PREX2: variants seen among roughly 807,000 people sequenced by gnomAD.
The protein encoded by PREX2 is phosphatidylinositol-3,4,5-trisphosphate dependent Rac exchange factor 2.
PREX2 carries 107 observed loss-of-function variants against 203.2 expected under a neutral mutation model. The ratio of observed to expected loss-of-function variants is 0.53; its 90% CI spans 0.45 to 0.62. PREX2 has a LOEUF of 0.62. Ranked by LOEUF, PREX2 falls within the 20% of genes least tolerant of loss-of-function variation. The pLI is 0.00. For synonymous variants in PREX2, 672 were observed against 663.6 expected (o/e 1.01, Z -0.19); for missense variants, 1,777 against 1,955.9 (o/e 0.91, Z 1.72).
At chr8:68,217,552 C>A in intron 37 of PREX2, 64 bp from the exon 38 acceptor site, 1 of 1,145,512 alleles carries the variant, frequency 8.7e-7, no homozygotes, top group Non-Finnish European at 1.3e-6. Context: ...ATTAGTAATC[C>A]ACATCATCTC....
At chr8:68,071,802 G>T (rs1054373061) in intron 13 of PREX2, among the ~76,000 whole-genome samples, 14 of 152,086 alleles carry the variant, frequency 9.2e-5, no homozygotes, top group Non-Finnish European at 1.6e-4. Flanking sequence ...TCTACTTCAG[G>T]ACAGACCTGC....
intron 1 of PREX2, among the ~76,000 whole-genome samples, chr8:67,979,738 C>T (rs1474722623): frequency 6.6e-6 from 1 of 152,198 alleles, no homozygotes; most frequent in Non-Finnish European, 1.5e-5. Context: ...CACTTTCTAT[C>T]TTGATTTATC....
At chr8:67,954,925 C>T (rs1585649991) in intron 1 of PREX2, among the ~76,000 whole-genome samples, 1 of 151,828 alleles carries the variant, frequency 6.6e-6, no homozygotes, top group Non-Finnish European at 1.5e-5. Flanking sequence ...GGTGGATCAC[C>T]TGAGGTCAGG....
chr8:68,121,948 T>C (rs1221654716), intron 30 of PREX2, among the ~76,000 whole-genome samples: 1 of 152,208 alleles, frequency 6.6e-6, no homozygotes, highest in African/African-American at 2.4e-5. Flanking sequence ...ACATTTTTAT[T>C]CTTCAGTCAT....
At chr8:68,029,770 G>A (rs1807825761) in intron 5 of PREX2, among the ~76,000 whole-genome samples, 2 of 152,030 alleles carry the variant, frequency 1.3e-5, no homozygotes, top group South Asian at 4.1e-4. Flanking sequence ...CAACTAACAA[G>A]GGCTTTCAAT....
intron 35 of PREX2, among the ~76,000 whole-genome samples, chr8:68,177,462 A>T (rs986331241): frequency 6.6e-5 from 10 of 152,140 alleles, no homozygotes; most frequent in Non-Finnish European, 1.5e-4. Flanking sequence ...CTACTCAGGT[A>T]GGTGAGGTGG....
At chr8:68,115,021 C>CTTTTTTTTTTTTTTTT (rs5892137) in intron 25 of PREX2, among the ~76,000 whole-genome samples, 14 of 86,854 alleles carry the variant, frequency 1.6e-4, no homozygotes, top group South Asian at 1.3e-3. Flanking sequence ...TCTTTTCTTT[C>CTTTTTTTTTTTTTTTT]TTTTTTTTTT....
chr8:68,004,036 A>G, intron 1 of PREX2, among the ~76,000 whole-genome samples: 1 of 151,634 alleles, frequency 6.6e-6, no homozygotes, highest in Non-Finnish European at 1.5e-5. Flanking sequence ...TTGTATTTTT[A>G]ATAGAGACAG....
chr8:68,038,731 A>C (rs989589357), intron 7 of PREX2, among the ~76,000 whole-genome samples: 2 of 152,002 alleles, frequency 1.3e-5, no homozygotes, highest in African/African-American at 4.8e-5. Flanking sequence ...CCTTTATAGA[A>C]CACGTAATAT....
At chr8:68,201,888 A>G (rs1229817335) in intron 37 of PREX2, among the ~76,000 whole-genome samples, 1 of 150,480 alleles carries the variant, frequency 6.6e-6, no homozygotes, top group Non-Finnish European at 1.5e-5. Context: ...GGAAGGGAGT[A>G]AGGTAACACC....
chr8:68,105,744 T>C (rs946527747), intron 23 of PREX2: 42 of 161,470 alleles, frequency 2.6e-4, no homozygotes, highest in African/African-American at 7.2e-4. Context: ...TATATATATA[T>C]ACATATATAT....
In PREX2 at chr8:68,080,726, G is replaced by A. The variant is rs769406760; in HGVS notation, c.1786-20G>A. The A allele has an allele frequency of 4.6e-6, 7 of 1,509,478 alleles. No individual in the cohort carries two copies. In the South Asian group the frequency reaches 8.4e-5, roughly 18 times the overall value. 93.5% of individuals were successfully genotyped at this position (1,509,478 alleles called of 1,614,324 possible). ...TTTTCATAGTTGCTTTATCAATAAT[G>A]TTAATATTTTGCATTTCAGATTAAA... On this transcript the variant is annotated intron_variant, in intron 16 of 39. Transcript: ENST00000288368.
intron 35 of PREX2, among the ~76,000 whole-genome samples, chr8:68,183,697 A>C (rs1812133256): frequency 1.3e-5 from 2 of 152,126 alleles, no homozygotes; most frequent in Non-Finnish European, 2.9e-5. Flanking sequence ...TAGGATTTCA[A>C]CCTAGTCAGG....
At chr8:68,104,852 G>T (rs1810362080) in intron 23 of PREX2, among the ~76,000 whole-genome samples, 1 of 152,146 alleles carries the variant, frequency 6.6e-6, no homozygotes, top group Non-Finnish European at 1.5e-5. Flanking sequence ...TGGGCTTGTG[G>T]TATCCATAGT....
At chr8:67,994,089 T>C (rs1806691081) in intron 1 of PREX2, among the ~76,000 whole-genome samples, 1 of 152,236 alleles carries the variant, frequency 6.6e-6, no homozygotes, top group Non-Finnish European at 1.5e-5. Context: ...TAATTATATG[T>C]AACTTTAAAA....
intron 1 of PREX2, among the ~76,000 whole-genome samples, chr8:67,965,381 T>G (rs551950305): frequency 6.6e-6 from 1 of 152,268 alleles, no homozygotes; most frequent in South Asian, 2.1e-4. Context: ...ACCCTTGGCT[T>G]TGTGTTTAAA....
At chr8:67,963,009 GA>G (rs1348263524) in intron 1 of PREX2, among the ~76,000 whole-genome samples, 1 of 152,156 alleles carries the variant, frequency 6.6e-6, no homozygotes, top group African/African-American at 2.4e-5. Context: ...ACCTCTGGCA[GA>G]GACTTCTAAG....
intron 23 of PREX2, chr8:68,105,274 T>TAGGA (rs774880361): frequency 2.6e-5 from 35 of 1,367,730 alleles, no homozygotes; most frequent in Non-Finnish European, 3.4e-5. Context: ...CCTCCTCTCT[T>TAGGA]AGGAATATCC....
intron 35 of PREX2, among the ~76,000 whole-genome samples, chr8:68,187,736 A>G (rs535880780): frequency 6.6e-6 from 1 of 152,282 alleles, no homozygotes; most frequent in East Asian, 1.9e-4. Flanking sequence ...CCTCTGTTCC[A>G]AGCATGTAAC....
Sources: allele counts gnomAD v4.1 joint callset (sites outside exome capture counted in the v4.1 genomes callset), GRCh38; gene constraint gnomAD v4.1.1; transcripts MANE v1.5; gene names NCBI Gene and HGNC (gene_info 2026-07-23, HGNC 2026-07-21).